Variants in RIN2 observed in about 807,000 individuals in gnomAD.
RIN2 encodes the protein RAB5 interacting protein 2.
RIN2 carries 36 observed loss-of-function variants against 78.0 expected under a neutral mutation model. The ratio of observed to expected loss-of-function variants is 0.46; its 90% CI spans 0.35 to 0.61. The LOEUF is 0.61. Among genes scored for constraint, RIN2 ranks in the 20% least tolerant of loss-of-function variants. RIN2 has a pLI of 0.00. For missense variants in RIN2, 1,087 were observed against 1,159.7 expected, an observed-to-expected ratio of 0.94 and a Z score of 0.91; for synonymous variants, 466 against 466.8, an observed-to-expected ratio of 1.00 and a Z score of 0.02.
At chr20:19,888,127 A>G (rs566518105) in intron 2 of RIN2, among the ~76,000 whole-genome samples, 1 of 152,254 alleles carries the variant, frequency 6.6e-6, no homozygotes, top group East Asian at 1.9e-4. Flanking sequence ...CAGGATCACA[A>G]GTGGAAAGAA....
chr20:19,782,235 G>A (rs922104693), intron 1 of RIN2, among the ~76,000 whole-genome samples: 2 of 152,090 alleles, frequency 1.3e-5, no homozygotes, highest in Non-Finnish European at 2.9e-5. Flanking sequence ...TGCCATATGC[G>A]TAGCACCTAA....
At chr20:19,830,196 T>C (rs756194526) in intron 2 of RIN2, among the ~76,000 whole-genome samples, 2 of 152,230 alleles carry the variant, frequency 1.3e-5, no homozygotes, top group African/African-American at 2.4e-5. Flanking sequence ...ATTTGTTTTT[T>C]AGCCAAGGCC....
chr20:19,970,966 T>C (rs749618653), intron 8 of RIN2, 37 bp downstream of exon 8: 3 of 1,504,416 alleles, frequency 2.0e-6, no homozygotes, highest in Middle Eastern at 1.7e-4. Context: ...TATCTAAAAA[T>C]GAATCCATGG....
At chr20:19,870,740 T>A (rs7273961) in intron 2 of RIN2, among the ~76,000 whole-genome samples, 1 of 152,246 alleles carries the variant, frequency 6.6e-6, no homozygotes, top group Admixed American at 6.5e-5. Flanking sequence ...AGTTCTATGA[T>A]GGGATGTCCC....
intron 2 of RIN2, among the ~76,000 whole-genome samples, chr20:19,826,383 G>T (rs2036090122): frequency 1.3e-5 from 2 of 152,124 alleles, no homozygotes; most frequent in South Asian, 4.1e-4. Context: ...ACTAAGGCAC[G>T]GGTAACTAAG....
At chr20:19,870,501 G>A (rs548253581) in intron 2 of RIN2, among the ~76,000 whole-genome samples, 1 of 152,234 alleles carries the variant, frequency 6.6e-6, no homozygotes, top group Non-Finnish European at 1.5e-5. Flanking sequence ...ACAAAAATTA[G>A]CCAGGCACGA....
intron 3 of RIN2, among the ~76,000 whole-genome samples, chr20:19,902,886 G>T (rs1223568711): frequency 6.6e-6 from 1 of 152,150 alleles, no homozygotes. Context: ...AATGTCAGGA[G>T]ATTGAGACCA....
chr20:19,975,337 T>A lies in RIN2; in HGVS notation c.1312T>A (p.Ser438Thr). The A allele has an allele frequency of 1.2e-6, 2 of 1,612,262 alleles. No homozygotes were observed. Among genetic ancestry groups the A allele is most frequent in the Non-Finnish European group, 1.7e-6 (2 of 1,179,174 alleles). ...GAGCGACATGAGCATTTCTACTTCC[T>A]CCTCCGACTCGCTGGAGTTCGACCG... ...RLSDMSISTS[S>T]SDSLEFDRSM... Residue 438 changes from serine to threonine, a missense_variant, in exon 9 of 13, where the codon TCC becomes ACC. This residue lies in a region of RIN2 where 706 missense variants were observed against 667.5 expected (regional missense o/e 1.06). Coordinates refer to ENST00000255006, the MANE Select transcript of RIN2 (RefSeq NM_018993.4). This position sits in a 1 kb window ranked among gnomAD's most constrained non-coding sequence, Gnocchi z 4.9.
chr20:19,915,756 G>C (rs868437764), intron 3 of RIN2, among the ~76,000 whole-genome samples: 1 of 152,114 alleles, frequency 6.6e-6, no homozygotes, highest in Non-Finnish European at 1.5e-5. Context: ...TACCCACTCT[G>C]CTCTCTTCCT....
chr20:19,838,338 C>T lies in RIN2; in HGVS notation c.-37+38591C>T, dbSNP rs75403285. Among the ~76,000 whole-genome samples the T allele has an allele frequency of 8.1e-3, 1,228 of 152,222 alleles. 13 individuals are homozygous for T. Among genetic ancestry groups the T allele is most frequent in the Non-Finnish European group, 0.013 (877 of 68,018 alleles). Reference sequence around the variant, plus strand: ...AAGAGTGATGTTAATTTTAATAAGACTGTTACTTTTTGTACTTTCTAAAAA... The same window carrying T: ...AAGAGTGATGTTAATTTTAATAAGATTGTTACTTTTTGTACTTTCTAAAAA... On this transcript the variant is annotated intron_variant, in intron 2 of 12. Transcript: ENST00000255006.
At chr20:19,834,754 T>C (rs1754420467) in intron 2 of RIN2, among the ~76,000 whole-genome samples, 2 of 152,202 alleles carry the variant, frequency 1.3e-5, no homozygotes, top group Non-Finnish European at 2.9e-5. Context: ...TCTTCTGTCT[T>C]TTAAGTTGTA....
At chr20:19,817,986 A>G (rs2035814024) in intron 2 of RIN2, among the ~76,000 whole-genome samples, 1 of 151,864 alleles carries the variant, frequency 6.6e-6, no homozygotes, top group African/African-American at 2.4e-5. Flanking sequence ...TCATTTGGCA[A>G]TTTTGCCATT....
At chr20:19,949,482 T>G (rs548402803) in intron 4 of RIN2, among the ~76,000 whole-genome samples, 14 of 152,318 alleles carry the variant, frequency 9.2e-5, no homozygotes, top group Non-Finnish European at 1.9e-4. Context: ...AGAGTAAGAA[T>G]TTGTCATTTT....
In RIN2 at chr20:20,000,727, A is replaced by G. The variant is rs2043117819; in HGVS notation, c.2479A>G (p.Lys827Glu). Residue 827 changes from lysine (K) to glutamate (E), a missense_variant, in exon 13 of 13, where the codon AAG becomes GAG. Around this residue, in one of 8 missense-constraint regions of RIN2, gnomAD observed 160 missense variants for 179.4 expected, o/e 0.89. Coordinates refer to ENST00000255006, the MANE Select transcript of RIN2 (RefSeq NM_018993.4). ...DVCQICAEKF[K>E]VGDPEEYSLF... Reference sequence around the variant, plus strand: ...GTGTCAGATCTGCGCTGAGAAGTTCAAGGTGGGGGACCCTGAGGAGTACAG... The same window carrying G: ...GTGTCAGATCTGCGCTGAGAAGTTCGAGGTGGGGGACCCTGAGGAGTACAG... 6.2e-7 allele frequency: 1 copy of G among 1,613,962 alleles called. No homozygotes were observed. The highest frequency in any genetic ancestry group is 8.5e-7 in the Non-Finnish European group (1 of 1,179,880).
At chr20:19,869,188 G>A (rs1313404447) in intron 2 of RIN2, among the ~76,000 whole-genome samples, 1 of 151,906 alleles carries the variant, frequency 6.6e-6, no homozygotes, top group East Asian at 1.9e-4. Context: ...CTGCGCTGGA[G>A]AGAGGGATTA....
intron 1 of RIN2, among the ~76,000 whole-genome samples, chr20:19,765,841 G>T (rs17297975): frequency 0.076 from 11,552 of 152,044 alleles, 434 homozygotes; most frequent in South Asian, 0.11. Flanking sequence ...GACTAATGTT[G>T]TTGAAGGAAG....
chr20:19,865,880 T>G (rs1033907129), intron 2 of RIN2, among the ~76,000 whole-genome samples: 1 of 152,128 alleles, frequency 6.6e-6, no homozygotes, highest in African/African-American at 2.4e-5. Context: ...ATACATATAA[T>G]AGAAGTGGTC....
intron 2 of RIN2, among the ~76,000 whole-genome samples, chr20:19,821,484 A>T (rs752545478): frequency 6.6e-6 from 1 of 152,120 alleles, no homozygotes; most frequent in South Asian, 2.1e-4. Context: ...ATCATTCCCC[A>T]TAGGATCAAA....
rs777945993 is a variant in RIN2 at position 20,002,239 on chromosome 20, G to A, written c.*1303G>A. ...GTCTTGTATCCACGTAACACAGGTA[G>A]TTACAAAAACATGTTATTGTACTGT... On this transcript the variant is annotated 3_prime_UTR_variant, in exon 13 of 13. Coordinates refer to ENST00000255006, the MANE Select transcript of RIN2 (RefSeq NM_018993.4). 5 of 152,364 alleles carry A rather than the reference G, an allele frequency of 3.3e-5. No individual in the cohort carries two copies. The highest frequency in any genetic ancestry group is 5.9e-5 in the Non-Finnish European group (4 of 68,042). 9.4% of individuals were successfully genotyped at this position (152,364 alleles called of 1,614,324 possible).
Sources: allele counts gnomAD v4.1 joint callset (sites outside exome capture counted in the v4.1 genomes callset), GRCh38; gene constraint gnomAD v4.1.1; regional missense constraint gnomAD v4.1.1; non-coding constraint Gnocchi (gnomAD v3.1); transcripts MANE v1.5; gene names NCBI Gene and HGNC (gene_info 2026-07-23, HGNC 2026-07-21).